Variants in ADAM2 observed in about 807,000 individuals in gnomAD.
The protein encoded by ADAM2 is ADAM metallopeptidase domain 2.
A neutral mutation model predicts 99.3 loss-of-function variants in ADAM2; 101 were observed. That is an observed-to-expected ratio of 1.02 (90% CI 0.87 to 1.20). ADAM2 has a LOEUF of 1.20. Ranked by LOEUF, ADAM2 falls within the 50% of genes most tolerant of loss-of-function variation. The pLI is 0.00. For missense variants in ADAM2, 948 were observed against 878.7 expected, an observed-to-expected ratio of 1.08 and a Z score of -1.00; for synonymous variants, 323 against 287.6, an observed-to-expected ratio of 1.12 and a Z score of -1.25.
At chr8:39,819,325 T>TA (rs556996153) in intron 6 of ADAM2, among the ~76,000 whole-genome samples, 3 of 152,210 alleles carry the variant, frequency 2.0e-5, no homozygotes, top group Non-Finnish European at 2.9e-5. Context: ...GATATTGATA[T>TA]AAAAAAATTT....
intron 7 of ADAM2, among the ~76,000 whole-genome samples, chr8:39,790,704 A>C (rs1463533119): frequency 6.6e-6 from 1 of 152,046 alleles, no homozygotes; most frequent in Non-Finnish European, 1.5e-5. Flanking sequence ...GTTACATTTC[A>C]ATAAAGATTT....
At chr8:39,807,106 A>G (rs1282686493) in intron 7 of ADAM2, among the ~76,000 whole-genome samples, 2 of 152,332 alleles carry the variant, frequency 1.3e-5, no homozygotes, top group African/African-American at 4.8e-5. Flanking sequence ...TGGAAGTGAC[A>G]CTGCCCTCCC....
chr8:39,805,831 G>A (rs1804413249), intron 7 of ADAM2, among the ~76,000 whole-genome samples: 1 of 152,218 alleles, frequency 6.6e-6, no homozygotes, highest in Non-Finnish European at 1.5e-5. Flanking sequence ...TCTAAACATA[G>A]ATTGTGAAAC....
At chr8:39,791,428 G>A (rs1803707927) in intron 7 of ADAM2, among the ~76,000 whole-genome samples, 1 of 152,034 alleles carries the variant, frequency 6.6e-6, no homozygotes, top group African/African-American at 2.4e-5. Flanking sequence ...AAATCAGTTA[G>A]ATCTTTGAAA....
chr8:39,798,204 A>G (rs752512313), intron 7 of ADAM2, among the ~76,000 whole-genome samples: 3 of 152,166 alleles, frequency 2.0e-5, no homozygotes, highest in Non-Finnish European at 2.9e-5. Flanking sequence ...TTATTTTGAG[A>G]TATATTCCAT....
At chr8:39,833,417 TC>T (rs1805694316) in intron 3 of ADAM2, among the ~76,000 whole-genome samples, 1 of 152,124 alleles carries the variant, frequency 6.6e-6, no homozygotes, top group Non-Finnish European at 1.5e-5. Flanking sequence ...AAGAATCATT[TC>T]AATTTTCACT....
chr8:39,804,194 T>G (rs1311112478), intron 7 of ADAM2, among the ~76,000 whole-genome samples: 3 of 152,168 alleles, frequency 2.0e-5, no homozygotes, highest in African/African-American at 7.2e-5. Flanking sequence ...GGAACTAAAG[T>G]GAGAATATGC....
intron 16 of ADAM2, 34 bp from the exon 17 acceptor site, chr8:39,749,778 A>G (rs184680336): frequency 3.2e-6 from 5 of 1,555,124 alleles, no homozygotes; most frequent in Non-Finnish European, 4.4e-6. Context: ...GTTAATTGAC[A>G]TGCCATCTAG....
At chr8:39,817,675 T>C (rs569924967) in intron 6 of ADAM2, among the ~76,000 whole-genome samples, 1 of 152,066 alleles carries the variant, frequency 6.6e-6, no homozygotes, top group Non-Finnish European at 1.5e-5. Context: ...AACTTAGTAA[T>C]ATGTGCTTTA....
chr8:39,770,310 T>C (rs969700172), intron 11 of ADAM2, among the ~76,000 whole-genome samples: 1 of 152,186 alleles, frequency 6.6e-6, no homozygotes. Flanking sequence ...TGTCTATAGT[T>C]GCAAATAGCG....
At chr8:39,793,905 T>C (rs1803826844) in intron 7 of ADAM2, among the ~76,000 whole-genome samples, 1 of 152,122 alleles carries the variant, frequency 6.6e-6, no homozygotes, top group South Asian at 2.1e-4. Flanking sequence ...GTCAGAGAAA[T>C]AGTTTGATAG....
intron 6 of ADAM2, among the ~76,000 whole-genome samples, chr8:39,813,807 C>G (rs1183474425): frequency 6.6e-6 from 1 of 152,018 alleles, no homozygotes; most frequent in Admixed American, 6.6e-5. Flanking sequence ...TTAGGAGATA[C>G]ACCTAATGTA....
At chr8:39,837,357 G>T in intron 1 of ADAM2, 145 bp from the exon 2 acceptor site, 1 of 559,340 alleles carries the variant, frequency 1.8e-6, no homozygotes, top group Non-Finnish European at 2.9e-6. Flanking sequence ...AAAAATACAA[G>T]GAGGTTTTTT....
chr8:39,773,595 T>C (rs1802869839), intron 11 of ADAM2, among the ~76,000 whole-genome samples: 1 of 151,724 alleles, frequency 6.6e-6, no homozygotes, highest in South Asian at 2.1e-4. Context: ...CATTGACTTT[T>C]AGGGGAAAAT....
chr8:39,819,105 T>G (rs1478503937), intron 6 of ADAM2, among the ~76,000 whole-genome samples: 2 of 152,178 alleles, frequency 1.3e-5, no homozygotes, highest in African/African-American at 4.8e-5. Flanking sequence ...TATTGAAGGA[T>G]GTACACTTAC....
chr8:39,775,971 A>G (rs1212863031), intron 11 of ADAM2, among the ~76,000 whole-genome samples: 1 of 152,130 alleles, frequency 6.6e-6, no homozygotes, highest in Non-Finnish European at 1.5e-5. Context: ...TGGAAGCTAT[A>G]GCAGAACTAC....
At chr8:39,834,699 C>G (rs1805748929) in intron 2 of ADAM2, among the ~76,000 whole-genome samples, 1 of 144,804 alleles carries the variant, frequency 6.9e-6, no homozygotes, top group South Asian at 2.2e-4. Flanking sequence ...CACACCATTG[C>G]CCTCCAGCCT....
At chr8:39,814,370 A>AT (rs1343830233) in intron 6 of ADAM2, among the ~76,000 whole-genome samples, 1 of 152,036 alleles carries the variant, frequency 6.6e-6, no homozygotes, top group Non-Finnish European at 1.5e-5. Context: ...GAAAAAAAAA[A>AT]AAAATCCACA....
At chr8:39,836,421 T>C (rs1288676678) in intron 2 of ADAM2, among the ~76,000 whole-genome samples, 1 of 152,126 alleles carries the variant, frequency 6.6e-6, no homozygotes, top group Non-Finnish European at 1.5e-5. Context: ...TAGATATGCA[T>C]TCCTTTAAAA....
Sources: gnomAD v4.1 joint callset for allele counts (sites outside exome capture counted in the v4.1 genomes callset) on GRCh38, gnomAD v4.1.1 for gene constraint, MANE v1.5 for transcripts, NCBI Gene and HGNC (gene_info 2026-07-23, HGNC 2026-07-21) for gene names.